The following GLCE variants were observed in gnomAD, a reference collection of about 807,000 sequenced individuals.
GLCE encodes the protein glucuronic acid epimerase, also known as D-glucuronyl C5-epimerase.
In GLCE, 19 loss-of-function variants were observed where a neutral mutation model predicts 47.9. The observed-to-expected ratio is 0.40, with a 90% CI of 0.28 to 0.58. The LOEUF (loss-of-function observed/expected upper bound fraction) is 0.58. Ranked by LOEUF, GLCE falls within the 20% of genes least tolerant of loss-of-function variation. GLCE has a pLI of 0.48. For missense variants in GLCE, 556 were observed against 743.3 expected (o/e 0.75, Z 2.93); for synonymous variants, 245 against 263.4 (o/e 0.93, Z 0.68).
chr15:69,168,258 C>G (rs1309456787), intron 1 of GLCE, among the ~76,000 whole-genome samples: 1 of 151,996 alleles, frequency 6.6e-6, no homozygotes, highest in Admixed American at 6.6e-5. Context: ...AAAAGTAAGA[C>G]CCTGTCTCAA....
intron 1 of GLCE, among the ~76,000 whole-genome samples, chr15:69,175,232 T>G (rs1169492632): frequency 6.6e-6 from 1 of 152,268 alleles, no homozygotes; most frequent in East Asian, 1.9e-4. Flanking sequence ...ACTTTAAAAA[T>G]GAAAAATAAG....
At chr15:69,237,904 C>G (rs1365482040) in intron 2 of GLCE, among the ~76,000 whole-genome samples, 1 of 152,158 alleles carries the variant, frequency 6.6e-6, no homozygotes, top group African/African-American at 2.4e-5. Context: ...GCTGGAGAAG[C>G]CTGAAACTCC....
At position 69,269,096 on chromosome 15, in the gene GLCE, T is replaced by C; in HGVS notation, c.1706T>C (p.Ile569Thr). The change falls in exon 5 of 5, where the codon ATC becomes ACC. Residue 569 changes from isoleucine (I) to threonine (T), a missense_variant. This residue lies in a region of GLCE where 245 missense variants were observed against 368.1 expected (regional missense o/e 0.67). Transcript: ENST00000261858. Reference protein sequence around the residue: ...IYDLRHFMLGIAPNLARWDYH... With the variant: ...IYDLRHFMLGTAPNLARWDYH... ...GACCTCCGTCACTTCATGCTTGGCA[T>C]CGCTCCTAACCTGGCTCGCTGGGAC... The C allele has an allele frequency of 6.2e-7, 1 of 1,614,190 alleles. No individual in the cohort carries two copies. Among genetic ancestry groups the C allele is most frequent in the South Asian group, 1.1e-5 (1 of 91,084 alleles).
At chr15:69,263,287 A>C (rs1027312274) in intron 4 of GLCE, among the ~76,000 whole-genome samples, 10 of 152,180 alleles carry the variant, frequency 6.6e-5, no homozygotes, top group Admixed American at 5.2e-4. Context: ...GGTATGAGAA[A>C]TGAGGCTTTT....
chr15:69,189,777 A>G (rs1344094135), intron 1 of GLCE, among the ~76,000 whole-genome samples: 1 of 152,112 alleles, frequency 6.6e-6, no homozygotes, highest in East Asian at 1.9e-4. Flanking sequence ...AGAGGAGGAC[A>G]CACTTACTGC....
intron 1 of GLCE, chr15:69,197,051 A>T: frequency 3.1e-6 from 1 of 324,912 alleles, no homozygotes; most frequent in Admixed American, 3.3e-5. Flanking sequence ...CAAAACCATT[A>T]CATCTGAGAA....
chr15:69,225,301 G>A (rs186269336), intron 2 of GLCE, among the ~76,000 whole-genome samples: 2 of 152,136 alleles, frequency 1.3e-5, no homozygotes, highest in Non-Finnish European at 2.9e-5. Flanking sequence ...GCATCCTTGC[G>A]TCGGCTGTCA....
intron 2 of GLCE, among the ~76,000 whole-genome samples, chr15:69,234,757 T>C (rs1202040415): frequency 1.3e-5 from 2 of 152,172 alleles, no homozygotes; most frequent in African/African-American, 4.8e-5. Context: ...TTAATTCAAT[T>C]TGGTAACCTT....
intron 4 of GLCE, among the ~76,000 whole-genome samples, chr15:69,263,654 A>G (rs1301791315): frequency 6.6e-6 from 1 of 151,992 alleles, no homozygotes; most frequent in African/African-American, 2.4e-5. Context: ...CACTCTTTTC[A>G]TTTGATTTCC....
At chr15:69,253,383 CT>C in intron 2 of GLCE, among the ~76,000 whole-genome samples, 1 of 152,228 alleles carries the variant, frequency 6.6e-6, no homozygotes, top group East Asian at 1.9e-4. Context: ...AGAGCTCCCT[CT>C]TTTTATCCCC....
At chr15:69,190,382 A>G (rs1380440018) in intron 1 of GLCE, among the ~76,000 whole-genome samples, 1 of 151,944 alleles carries the variant, frequency 6.6e-6, no homozygotes, top group Non-Finnish European at 1.5e-5. Flanking sequence ...TTATTGAGAG[A>G]TTTGTTGAAA....
chr15:69,179,268 G>A (rs1323341219), intron 1 of GLCE, among the ~76,000 whole-genome samples: 3 of 152,110 alleles, frequency 2.0e-5, no homozygotes, highest in Non-Finnish European at 4.4e-5. Context: ...TTCTTGTCAA[G>A]AGAATATTAC....
chr15:69,188,107 G>A (rs925724232), intron 1 of GLCE, among the ~76,000 whole-genome samples: 1 of 152,012 alleles, frequency 6.6e-6, no homozygotes, highest in Non-Finnish European at 1.5e-5. Context: ...GCTGGGCCTG[G>A]TGGTGCATGC....
Position 69,268,505 on chromosome 15 carries a change from C to T in GLCE, c.1115C>T (p.Pro372Leu). ...CTTTCAAACACAAAAGCTGTCAAGC[C>T]AACCAAAATAATGCCCAAGAAGGTG... ...VGLSNTKAVK[P>L]TKIMPKKVVR... is the part of the protein sequence containing the mutation. The change falls in exon 5 of 5, where the codon CCA (proline) becomes CTA (leucine). Residue 372 changes from proline to leucine, a missense_variant. Physicochemically the swap from Pro to Leu is moderately conservative, Grantham distance 98. Coordinates refer to ENST00000261858, the MANE Select transcript of GLCE (RefSeq NM_015554.3). The T allele has an allele frequency of 6.2e-7, 1 of 1,614,174 alleles. No individual in the cohort carries two copies. The highest frequency in any genetic ancestry group is 8.5e-7 in the Non-Finnish European group (1 of 1,180,032).
At chr15:69,204,231 A>T (rs550482630) in intron 1 of GLCE, among the ~76,000 whole-genome samples, 1 of 150,600 alleles carries the variant, frequency 6.6e-6, no homozygotes, top group African/African-American at 2.4e-5. Flanking sequence ...AAATAAAGCG[A>T]CTATTTTTTC....
At chr15:69,240,283 C>CAAAAA (rs545688611) in intron 2 of GLCE, among the ~76,000 whole-genome samples, 68 of 17,966 alleles carry the variant, frequency 3.8e-3, no homozygotes, top group African/African-American at 0.016. Flanking sequence ...GACTCCGTCT[C>CAAAAA]AAAAAAAAAA....
intron 2 of GLCE, among the ~76,000 whole-genome samples, chr15:69,222,628 ATC>A (rs909232494): frequency 6.6e-6 from 1 of 152,092 alleles, no homozygotes; most frequent in Non-Finnish European, 1.5e-5. Flanking sequence ...CATCTAGGTC[ATC>A]TCTCTAACCT....
intron 1 of GLCE, among the ~76,000 whole-genome samples, chr15:69,176,333 C>T (rs2051665469): frequency 6.9e-6 from 1 of 144,278 alleles, no homozygotes; most frequent in Non-Finnish European, 1.5e-5. Flanking sequence ...AAGCGCTTCT[C>T]CTGCCTCAGC....
intron 2 of GLCE, among the ~76,000 whole-genome samples, chr15:69,247,071 A>G (rs1414533516): frequency 1.3e-5 from 2 of 152,230 alleles, no homozygotes; most frequent in Non-Finnish European, 2.9e-5. Flanking sequence ...GCCTCAACTT[A>G]AAGTCACCAG....
Sources: allele counts gnomAD v4.1 joint callset (sites outside exome capture counted in the v4.1 genomes callset), GRCh38; gene constraint gnomAD v4.1.1; regional missense constraint gnomAD v4.1.1; transcripts MANE v1.5; gene names NCBI Gene and HGNC (gene_info 2026-07-23, HGNC 2026-07-21).